Variants in GLIS3 observed in about 807,000 individuals in gnomAD.
GLIS3 encodes the protein GLIS family zinc finger 3.
Under a neutral mutation model 78.6 loss-of-function variants are expected in GLIS3, and 53 were observed. That is an observed-to-expected ratio of 0.67 (90% CI 0.54 to 0.85). GLIS3 has a LOEUF of 0.85. Ranked by LOEUF, GLIS3 falls within the 40% of genes least tolerant of loss-of-function variation. The pLI, the probability that GLIS3 is intolerant of heterozygous loss-of-function variation, is 0.00. For synonymous variants in GLIS3, 684 were observed against 509.9 expected (o/e 1.34, Z -4.60); for missense variants, 1,703 against 1,231.1 (o/e 1.38, Z -5.74).
chr9:3,892,039 C>T (rs1588163119), intron 7 of GLIS3, among the ~76,000 whole-genome samples: 1 of 152,204 alleles, frequency 6.6e-6, no homozygotes. Context: ...GGAAAAGGTT[C>T]CAGTGAAGCT....
chr9:4,099,476 C>G (rs1830209510), intron 4 of GLIS3, among the ~76,000 whole-genome samples: 1 of 152,044 alleles, frequency 6.6e-6, no homozygotes, highest in Non-Finnish European at 1.5e-5. Flanking sequence ...TCTTTGTGTC[C>G]AACTTTCTCC....
At chr9:4,197,183 C>G (rs1344616983) in intron 2 of GLIS3, among the ~76,000 whole-genome samples, 3 of 152,298 alleles carry the variant, frequency 2.0e-5, no homozygotes, top group Admixed American at 1.3e-4. Flanking sequence ...AGGCAGATCT[C>G]CAGGCCTTTG....
intron 4 of GLIS3, among the ~76,000 whole-genome samples, chr9:4,051,490 T>A (rs1241569521): frequency 6.6e-6 from 1 of 151,906 alleles, no homozygotes. Context: ...GCCAAACATA[T>A]CTCCACCTCC....
intron 2 of GLIS3, among the ~76,000 whole-genome samples, chr9:4,184,766 A>G (rs1817627054): frequency 6.6e-6 from 1 of 152,224 alleles, no homozygotes; most frequent in African/African-American, 2.4e-5. Context: ...TCTACAATAT[A>G]TTAAGTGCTT....
the GLIS3 span, among the ~76,000 whole-genome samples, chr9:4,469,597 AG>A: frequency 6.6e-6 from 1 of 152,212 alleles, no homozygotes; most frequent in Non-Finnish European, 1.5e-5. Context: ...AACATAACAA[AG>A]ACACAACATA....
At chr9:4,080,117 C>G (rs531466971) in intron 4 of GLIS3, among the ~76,000 whole-genome samples, 2 of 152,354 alleles carry the variant, frequency 1.3e-5, no homozygotes, top group Non-Finnish European at 2.9e-5. Flanking sequence ...TGGAACCCCC[C>G]TGGCTTTATG....
chr9:4,242,847 T>C (rs906334955), intron 2 of GLIS3, among the ~76,000 whole-genome samples: 1 of 152,174 alleles, frequency 6.6e-6, no homozygotes, highest in African/African-American at 2.4e-5. Flanking sequence ...ATAAAATATA[T>C]TATTAATATT....
At position 4,197,519 on chromosome 9, in the gene GLIS3, C is replaced by A. The variant is rs537485668; in HGVS notation, c.389-71578G>T. Among the ~76,000 whole-genome samples, 12 of 152,296 alleles carry A rather than the reference C, an allele frequency of 7.9e-5. No homozygotes were observed. In the South Asian group the frequency reaches 2.5e-3, roughly 32 times the overall value. On this transcript the variant is annotated intron_variant, in intron 2 of 10. Coordinates refer to ENST00000381971, the MANE Select transcript of GLIS3 (RefSeq NM_001042413.2). ...ACTTAAGGCCAAGGAGGTTTCCCAG[C>A]TCCATGCCTAGGCACATATCTGGGC... is the stretch of plus-strand genomic sequence containing the variant.
intron 2 of GLIS3, among the ~76,000 whole-genome samples, chr9:4,170,755 G>A (rs1388628696): frequency 6.6e-6 from 1 of 152,038 alleles, no homozygotes; most frequent in Non-Finnish European, 1.5e-5. Flanking sequence ...TATGTTCAGG[G>A]TGTGTGTTTT....
intron 4 of GLIS3, among the ~76,000 whole-genome samples, chr9:4,013,745 A>G (rs796157659): frequency 3.3e-5 from 5 of 152,356 alleles, no homozygotes; most frequent in African/African-American, 1.2e-4. Context: ...TTGAGTTAAT[A>G]GAGTCTGAGG....
chr9:4,105,104 T>C (rs1284730633), intron 4 of GLIS3, among the ~76,000 whole-genome samples: 2 of 152,210 alleles, frequency 1.3e-5, no homozygotes, highest in Non-Finnish European at 2.9e-5. Flanking sequence ...CCTTAGAATT[T>C]TTCCTTATGA....
At chr9:4,370,436 C>A in the GLIS3 span, among the ~76,000 whole-genome samples, 1 of 151,986 alleles carries the variant, frequency 6.6e-6, no homozygotes, top group Non-Finnish European at 1.5e-5. Context: ...AGATTTTCAG[C>A]TGTAAATATA....
At chr9:3,920,097 G>T (rs1220039361) in intron 6 of GLIS3, among the ~76,000 whole-genome samples, 1 of 150,348 alleles carries the variant, frequency 6.7e-6, no homozygotes, top group East Asian at 2.0e-4. Flanking sequence ...TCCGCCTCCT[G>T]GGTTCACACC....
intron 7 of GLIS3, among the ~76,000 whole-genome samples, chr9:3,888,688 T>C (rs1822235897): frequency 6.6e-6 from 1 of 152,210 alleles, no homozygotes; most frequent in Non-Finnish European, 1.5e-5. Flanking sequence ...CTTTCCTCCT[T>C]TATTCACACT....
At position 3,848,885 on chromosome 9, in the gene GLIS3, T is replaced by C. The variant is rs899135217; in HGVS notation, c.2473+7124A>G. 3.9e-5 allele frequency among the ~76,000 whole-genome samples: 6 copies of C among 152,318 alleles called. No individual in the cohort carries two copies. The East Asian group carries it at 9.6e-4, about 24-fold the overall frequency. On this transcript the variant is annotated intron_variant, in intron 9 of 10. Transcript: ENST00000381971. ...AGACTGAGGTAAGAAAATGCCACCATTGTCTGGGAGCTGACTGGCCTGCTT... is the reference window on the plus strand; with the variant it reads ...AGACTGAGGTAAGAAAATGCCACCACTGTCTGGGAGCTGACTGGCCTGCTT...
chr9:4,327,215 G>A (rs745880985), intron 2 of GLIS3, among the ~76,000 whole-genome samples: 1 of 152,286 alleles, frequency 6.6e-6, no homozygotes, highest in Non-Finnish European at 1.5e-5. Flanking sequence ...AGGTTTCAAG[G>A]ACCTGAACAA....
chr9:4,144,834 C>A (rs1322944670), intron 2 of GLIS3: 1 of 152,128 alleles, frequency 6.6e-6, no homozygotes, highest in African/African-American at 2.4e-5. Flanking sequence ...CATAACAAAA[C>A]TTACCTGTAT....
At chr9:4,439,148 C>T in the GLIS3 span, among the ~76,000 whole-genome samples, 1 of 152,322 alleles carries the variant, frequency 6.6e-6, no homozygotes, top group South Asian at 2.1e-4. Flanking sequence ...TTCTTCAGTA[C>T]TACCTTCCAA....
intron 9 of GLIS3, among the ~76,000 whole-genome samples, chr9:3,843,385 C>T (rs1198560129): frequency 2.6e-5 from 4 of 152,138 alleles, no homozygotes; most frequent in African/African-American, 2.4e-5. Flanking sequence ...AAAACCTACT[C>T]TCTGGAACAT....
Sources: allele counts gnomAD v4.1 joint callset (sites outside exome capture counted in the v4.1 genomes callset), GRCh38; gene constraint gnomAD v4.1.1; transcripts MANE v1.5; gene names NCBI Gene and HGNC (gene_info 2026-07-23, HGNC 2026-07-21).